Variants in CNKSR3 observed in about 807,000 individuals in gnomAD.
CNKSR3 encodes connector enhancer of kinase suppressor of ras 3.
CNKSR3 carries 36 observed loss-of-function variants against 67.7 expected under a neutral mutation model. The ratio of observed to expected loss-of-function variants is 0.53; its 90% CI spans 0.41 to 0.70. The LOEUF (loss-of-function observed/expected upper bound fraction) is 0.70, where lower values mean the gene tolerates loss of function less well. Ranked by LOEUF, CNKSR3 falls within the 30% of genes least tolerant of loss-of-function variation. The pLI, the probability that CNKSR3 is intolerant of heterozygous loss-of-function variation, is 0.00. For missense variants in CNKSR3, 630 were observed against 695.2 expected (o/e 0.91, Z 1.05); for synonymous variants, 281 against 271.4 (o/e 1.04, Z -0.35).
In CNKSR3 at chr6:154,422,086, G is replaced by A. The variant is rs377476691; in HGVS notation, c.945+420C>T. Among the ~76,000 whole-genome samples, 13 of 150,954 alleles carry A rather than the reference G, an allele frequency of 8.6e-5. No homozygotes were observed. In the East Asian group the frequency reaches 1.2e-3, roughly 14 times the overall value. ...TGGCTCACTGCAAGCTCCGCCTCCCGGGTTCACACCATTCTCCTGCCTCAG... is the reference window on the plus strand; with the variant it reads ...TGGCTCACTGCAAGCTCCGCCTCCCAGGTTCACACCATTCTCCTGCCTCAG... On this transcript the variant is annotated intron_variant, in intron 9 of 12. Coordinates refer to ENST00000607772, the MANE Select transcript of CNKSR3 (RefSeq NM_173515.4).
chr6:154,411,947 C>T (rs1331799795), intron 10 of CNKSR3, among the ~76,000 whole-genome samples: 1 of 152,194 alleles, frequency 6.6e-6, no homozygotes, highest in Non-Finnish European at 1.5e-5. Flanking sequence ...GAATCAAATA[C>T]TACAAAAACC....
intron 4 of CNKSR3, among the ~76,000 whole-genome samples, chr6:154,438,524 T>C (rs1256414616): frequency 6.6e-6 from 1 of 152,134 alleles, no homozygotes; most frequent in Non-Finnish European, 1.5e-5. Context: ...AAGGTAAATA[T>C]TTGTATTCCC....
intron 1 of CNKSR3, among the ~76,000 whole-genome samples, chr6:154,495,331 A>G (rs1309229598): frequency 1.3e-5 from 2 of 150,326 alleles, no homozygotes; most frequent in Non-Finnish European, 3.0e-5. Flanking sequence ...AAACCCACAT[A>G]GCAGCTCCTT....
chr6:154,502,380 A>G (rs1341521237), intron 1 of CNKSR3, among the ~76,000 whole-genome samples: 3 of 144,358 alleles, frequency 2.1e-5, no homozygotes, highest in African/African-American at 7.7e-5. Flanking sequence ...TTTTTTTAGT[A>G]GAGACGGGGT....
intron 1 of CNKSR3, among the ~76,000 whole-genome samples, chr6:154,464,469 C>A (rs1398920105): frequency 2.0e-5 from 3 of 152,214 alleles, no homozygotes; most frequent in Non-Finnish European, 4.4e-5. Flanking sequence ...GTAATCCCAG[C>A]CCTTTGGGAG....
Position 154,400,378 on chromosome 6 carries a change from A to G in CNKSR3, c.*5976T>C, listed in dbSNP as rs1784703888. 1 of 152,240 alleles carries G rather than the reference A, an allele frequency of 6.6e-6. No homozygotes were observed. Among genetic ancestry groups the G allele is most frequent in the African/African-American group, 2.4e-5 (1 of 41,454 alleles). The allele number at this position is 152,240 out of a possible 1,614,324, so 9.4% of individuals were successfully genotyped here. On this transcript the variant is annotated 3_prime_UTR_variant, in exon 13 of 13. Coordinates refer to ENST00000607772, the MANE Select transcript of CNKSR3 (RefSeq NM_173515.4). ...GATCAACTCAGAAGACGAGCTTCAT[A>G]AAGGTTGCCATAGAACTTTAGAATA...
intron 1 of CNKSR3, among the ~76,000 whole-genome samples, chr6:154,492,836 C>G (rs1786809038): frequency 6.6e-6 from 1 of 152,020 alleles, no homozygotes; most frequent in South Asian, 2.1e-4. Flanking sequence ...CAACTCTATC[C>G]TTCCAATTCC....
chr6:154,410,456 T>C, intron 11 of CNKSR3, 24 bp from the exon 12 acceptor site: 2 of 1,560,022 alleles, frequency 1.3e-6, no homozygotes, highest in Non-Finnish European at 1.8e-6. Flanking sequence ...AGAAAGAAGG[T>C]GACAAGTTTG....
chr6:154,465,339 T>TA (rs36061723), intron 1 of CNKSR3, among the ~76,000 whole-genome samples: 44,420 of 151,936 alleles, frequency 0.29, 6,947 homozygotes, highest in East Asian at 0.44. Flanking sequence ...AAGAATCTAC[T>TA]AAAATTTGGG....
chr6:154,456,946 AGAG>A (rs1398217865), intron 1 of CNKSR3, among the ~76,000 whole-genome samples: 4 of 152,108 alleles, frequency 2.6e-5, no homozygotes, highest in African/African-American at 9.7e-5. Flanking sequence ...TATCTGAACC[AGAG>A]GGACGGAAAC....
intron 1 of CNKSR3, among the ~76,000 whole-genome samples, chr6:154,509,516 T>C (rs934967973): frequency 5.3e-5 from 8 of 150,040 alleles, no homozygotes; most frequent in Non-Finnish European, 1.2e-4. Flanking sequence ...GCAAATGCTA[T>C]GGTGTTGGCT....
intron 1 of CNKSR3, among the ~76,000 whole-genome samples, chr6:154,509,651 G>A (rs1461795816): frequency 6.6e-6 from 1 of 152,168 alleles, no homozygotes; most frequent in African/African-American, 2.4e-5. Flanking sequence ...CGGCATGGAC[G>A]AGGTCCCGCG....
intron 1 of CNKSR3, among the ~76,000 whole-genome samples, chr6:154,474,686 C>T (rs9784846): frequency 6.6e-6 from 1 of 152,104 alleles, no homozygotes; most frequent in African/African-American, 2.4e-5. Flanking sequence ...CAGCCGTAGA[C>T]TATAGTGTCA....
intron 1 of CNKSR3, among the ~76,000 whole-genome samples, chr6:154,482,377 C>A (rs1366678426): frequency 1.3e-5 from 2 of 152,194 alleles, no homozygotes; most frequent in Non-Finnish European, 2.9e-5. Flanking sequence ...CACAAAACAT[C>A]CTAAATCCAC....
At chr6:154,474,544 T>A (rs1786403239) in intron 1 of CNKSR3, among the ~76,000 whole-genome samples, 1 of 151,766 alleles carries the variant, frequency 6.6e-6, no homozygotes, top group African/African-American at 2.4e-5. Flanking sequence ...ATGGCCAAAG[T>A]AAAGGACCGT....
chr6:154,441,969 G>A (rs1785599453), intron 3 of CNKSR3, 119 bp downstream of exon 3: 1 of 946,878 alleles, frequency 1.1e-6, no homozygotes, highest in Non-Finnish European at 1.5e-6. Flanking sequence ...CTCCTTAAGA[G>A]CCGGTAAAAA....
chr6:154,489,475 A>G (rs1786740806), intron 1 of CNKSR3, among the ~76,000 whole-genome samples: 1 of 151,860 alleles, frequency 6.6e-6, no homozygotes, highest in Admixed American at 6.6e-5. Flanking sequence ...AGGTTGCAGT[A>G]AGCCGAGATC....
intron 1 of CNKSR3, among the ~76,000 whole-genome samples, chr6:154,484,695 C>CAAAAAA (rs1166789172): frequency 9.2e-5 from 6 of 65,526 alleles, no homozygotes; most frequent in African/African-American, 2.7e-4. Flanking sequence ...GAGCAAGACT[C>CAAAAAA]AAAAAAAAAA....
At chr6:154,452,067 G>T (rs1003599835) in intron 1 of CNKSR3, among the ~76,000 whole-genome samples, 1 of 152,286 alleles carries the variant, frequency 6.6e-6, no homozygotes, top group East Asian at 1.9e-4. Context: ...AATCGTCTGC[G>T]GGGGAGGCAG....
Sources: gnomAD v4.1 joint callset for allele counts (sites outside exome capture counted in the v4.1 genomes callset) on GRCh38, gnomAD v4.1.1 for gene constraint, MANE v1.5 for transcripts, NCBI Gene and HGNC (gene_info 2026-07-23, HGNC 2026-07-21) for gene names.